SLC25A48: variants seen among roughly 807,000 people sequenced by gnomAD.
SLC25A48 encodes solute carrier family 25 member 48.
A neutral mutation model predicts 32.2 loss-of-function variants in SLC25A48; 29 were observed. That is an observed-to-expected ratio of 0.90 (90% CI 0.67 to 1.23). The LOEUF (loss-of-function observed/expected upper bound fraction) is 1.23. Ranked by LOEUF, SLC25A48 falls within the 50% of genes most tolerant of loss-of-function variation. SLC25A48 has a pLI of 0.00. For missense variants in SLC25A48, 399 were observed against 422.7 expected (o/e 0.94, Z 0.49); for synonymous variants, 164 against 172.3 (o/e 0.95, Z 0.38).
intron 5 of SLC25A48, chr5:135,872,083 T>G: frequency 9.3e-7 from 1 of 1,071,054 alleles, no homozygotes; most frequent in Non-Finnish European, 1.2e-6. Flanking sequence ...AGGAATCGGT[T>G]TCCCCATTTC....
intron 6 of SLC25A48, among the ~76,000 whole-genome samples, chr5:135,879,512 C>T (rs1198163380): frequency 6.6e-6 from 1 of 151,834 alleles, no homozygotes; most frequent in East Asian, 1.9e-4. Flanking sequence ...TTGGGATGTC[C>T]TGTGAAGCCC....
At position 135,772,434 on chromosome 5, in the gene SLC25A48, T is replaced by A. The variant is rs147335588; in HGVS notation, c.-520-40089T>A. On this transcript the variant is annotated intron_variant, in intron 3 of 10. Coordinates refer to the SLC25A48 transcript ENST00000646290. ...GGGAAGAGGATGATATTACTCCCTA[T>A]ATCGTTGTGGGTGTACAGCCTTCTG... Among the ~76,000 whole-genome samples, 16 of 151,842 alleles carry A rather than the reference T, an allele frequency of 1.1e-4. No homozygotes were observed. The East Asian group carries it at 3.1e-3, about 29-fold the overall frequency.
In SLC25A48 at chr5:135,805,717, T is replaced by A. The variant is rs140988422; in HGVS notation, c.-520-6806T>A. On this transcript the variant is annotated intron_variant, in intron 3 of 10. Coordinates refer to the SLC25A48 transcript ENST00000646290. ...GGGGATATTACTTCTAATATCCCAG[T>A]GGGTGTACACCCTGTGATATCTGTA... Among the ~76,000 whole-genome samples the A allele has an allele frequency of 3.4e-3, 515 of 151,872 alleles. 6 individuals are homozygous for A. The highest frequency in any genetic ancestry group is 0.012 in the African/African-American group (482 of 41,486).
At chr5:135,791,769 T>C (rs1187306784) in intron 3 of SLC25A48, among the ~76,000 whole-genome samples, 1 of 151,600 alleles carries the variant, frequency 6.6e-6, no homozygotes, top group Admixed American at 6.6e-5. Context: ...GGGGTTGTCT[T>C]TCCTGTGATA....
rs542321478 is a variant in SLC25A48, at chr5:135,882,979, TCCAAATGGGTTGTTTGACC to T, written c.*7+2887_*7+2905del. ...CTCTTACTGCTTCACAAACCCAGTCTCCAAATGGGTTGTTTGACCCCAAGATCCAAGATTTCAAGACTCC... is the reference window on the plus strand; with the variant it reads ...CTCTTACTGCTTCACAAACCCAGTCTCCAAGATCCAAGATTTCAAGACTCC... On this transcript the variant is annotated intron_variant, in intron 7 of 7. Coordinates refer to ENST00000681962, the MANE Select transcript of SLC25A48 (RefSeq NM_001349336.2). 37 of 931,960 alleles carry T rather than the reference TCCAAATGGGTTGTTTGACC, an allele frequency of 4.0e-5. No homozygotes were observed. In the East Asian group the frequency reaches 4.1e-3, roughly 103 times the overall value. The allele number at this position is 931,960 out of a possible 1,614,324, so 57.7% of individuals were successfully genotyped here.
intron 1 of SLC25A48, among the ~76,000 whole-genome samples, chr5:135,590,396 A>G (rs1413818290): frequency 6.6e-6 from 1 of 152,200 alleles, no homozygotes; most frequent in Non-Finnish European, 1.5e-5. Flanking sequence ...CCCCGGCCCC[A>G]GCCAGCCTGC....
At chr5:135,623,589 G>C (rs1032303792) in intron 1 of SLC25A48, among the ~76,000 whole-genome samples, 2 of 152,178 alleles carry the variant, frequency 1.3e-5, no homozygotes, top group Non-Finnish European at 2.9e-5. Context: ...CTTCACTTCA[G>C]TAGTCTGAGC....
intron 6 of SLC25A48, chr5:135,875,873 C>G (rs1266669958): frequency 6.6e-6 from 1 of 152,220 alleles, no homozygotes; most frequent in African/African-American, 2.4e-5. Context: ...AAGCAAGACC[C>G]TAGTGGTGCC....
At chr5:135,643,565 C>G (rs908696868) in intron 3 of SLC25A48, among the ~76,000 whole-genome samples, 1 of 152,206 alleles carries the variant, frequency 6.6e-6, no homozygotes, top group Non-Finnish European at 1.5e-5. Context: ...GCCCTCTGCC[C>G]CACTCAGAGA....
chr5:135,662,878 G>A (rs1469044878), intron 3 of SLC25A48, among the ~76,000 whole-genome samples: 1 of 152,046 alleles, frequency 6.6e-6, no homozygotes, highest in Non-Finnish European at 1.5e-5. Context: ...ATCCACTAGG[G>A]CGGCTTCAGT....
intron 2 of SLC25A48, among the ~76,000 whole-genome samples, chr5:135,847,960 C>T (rs1420929651): frequency 6.6e-6 from 1 of 152,140 alleles, no homozygotes; most frequent in African/African-American, 2.4e-5. Context: ...AAGATGGGAC[C>T]AGTATCCGTG....
intron 7 of SLC25A48, among the ~76,000 whole-genome samples, chr5:135,886,172 C>G (rs191313492): frequency 6.6e-6 from 1 of 152,150 alleles, no homozygotes; most frequent in Non-Finnish European, 1.5e-5. Flanking sequence ...TTTATAATTT[C>G]TTAAAATAAA....
intron 4 of SLC25A48, among the ~76,000 whole-genome samples, chr5:135,853,270 G>A (rs1311655478): frequency 2.0e-5 from 3 of 152,174 alleles, no homozygotes; most frequent in Non-Finnish European, 4.4e-5. Context: ...GGTTGGGTGG[G>A]CTGTGGCAAT....
Position 135,834,871 on chromosome 5 carries a change from C to G in SLC25A48, c.24C>G (p.Asp8Glu). The change falls in exon 1 of 8, where the codon GAC becomes GAG. Residue 8 changes from aspartate to glutamate, a missense_variant. Asp to Glu is a conservative substitution (Grantham distance 45). Transcript: ENST00000681962. MGSFQLE[D>E]FAAGWIGGAA... ...CCATGGGAAGCTTCCAGCTGGAAGACTTTGCGGCGGGCTGGATCGGAGGTG... is the reference window on the plus strand; with the variant it reads ...CCATGGGAAGCTTCCAGCTGGAAGAGTTTGCGGCGGGCTGGATCGGAGGTG... The G allele has an allele frequency of 5.6e-6, 9 of 1,605,722 alleles. No homozygotes were observed. Among genetic ancestry groups the G allele is most frequent in the African/African-American group, 1.3e-5 (1 of 75,024 alleles).
chr5:135,887,937 T>C (rs1762794469), intron 7 of SLC25A48, 95 bp from the exon 8 acceptor site: 2 of 1,161,784 alleles, frequency 1.7e-6, no homozygotes, highest in Non-Finnish European at 2.5e-6. Flanking sequence ...GTGCAAAACA[T>C]AGGGGTTAGA....
intron 3 of SLC25A48, among the ~76,000 whole-genome samples, chr5:135,796,778 A>C (rs1757191945): frequency 6.6e-6 from 1 of 151,618 alleles, no homozygotes; most frequent in Admixed American, 6.6e-5. Context: ...TATTGTTCCT[A>C]ATATCCAGGG....
rs564057878 is a variant in SLC25A48 at position 135,651,966 on chromosome 5, G to A, written c.-521+17010G>A. Among the ~76,000 whole-genome samples, 251 of 152,346 alleles carry A rather than the reference G, an allele frequency of 1.6e-3. 1 individual carries two copies. Among genetic ancestry groups the A allele is most frequent in the Middle Eastern group, 0.01 (3 of 294 alleles). Reference sequence around the variant, plus strand: ...CAAACGGTGAAGATATTTGAGTCCCGTGTGAATGCCCAAAGGGCATCATTA... The same window carrying A: ...CAAACGGTGAAGATATTTGAGTCCCATGTGAATGCCCAAAGGGCATCATTA... On this transcript the variant is annotated intron_variant, in intron 3 of 10. Transcript: ENST00000646290.
intron 3 of SLC25A48, among the ~76,000 whole-genome samples, chr5:135,712,595 A>T (rs898146544): frequency 6.6e-6 from 1 of 152,196 alleles, no homozygotes; most frequent in African/African-American, 2.4e-5. Context: ...CATCATGAGG[A>T]TACTTCTGGC....
intron 3 of SLC25A48, among the ~76,000 whole-genome samples, chr5:135,812,276 C>T (rs188811015): frequency 6.4e-4 from 98 of 152,204 alleles, no homozygotes; most frequent in Middle Eastern, 3.4e-3. Context: ...CTGGAGTATC[C>T]ATCCCCTCCA....
Sources: gnomAD v4.1 joint callset for allele counts (sites outside exome capture counted in the v4.1 genomes callset) on GRCh38, gnomAD v4.1.1 for gene constraint, MANE v1.5 for transcripts, NCBI Gene and HGNC (gene_info 2026-07-23, HGNC 2026-07-21) for gene names.